Variants in LARS2 observed in about 807,000 individuals in gnomAD.
The protein encoded by LARS2 is leucyl-tRNA synthetase 2, mitochondrial.
In LARS2, 81 loss-of-function variants were observed where a neutral mutation model predicts 116.6. The observed-to-expected ratio is 0.69, with a 90% CI of 0.58 to 0.84. The LOEUF is 0.84. Ranked by LOEUF, LARS2 falls within the 40% of genes least tolerant of loss-of-function variation. The pLI is 0.00. For synonymous variants in LARS2, 396 were observed against 407.2 expected (o/e 0.97, Z 0.33); for missense variants, 968 against 1,114.5 (o/e 0.87, Z 1.87).
chr3:45,407,183 A>G (rs181488361), intron 4 of LARS2, among the ~76,000 whole-genome samples: 1 of 152,328 alleles, frequency 6.6e-6, no homozygotes, highest in Admixed American at 6.5e-5. Flanking sequence ...TAATCATAAT[A>G]TAATTATCCA....
chr3:45,422,343 A>G (rs1252410554), intron 6 of LARS2: 1 of 151,938 alleles, frequency 6.6e-6, no homozygotes, highest in African/African-American at 2.4e-5. Flanking sequence ...GTTACAAATA[A>G]TTTTCCTCAG....
chr3:45,540,370 GA>G (rs1490085378), intron 20 of LARS2, among the ~76,000 whole-genome samples: 1 of 152,218 alleles, frequency 6.6e-6, no homozygotes, highest in Non-Finnish European at 1.5e-5. Context: ...CATCAAGGAA[GA>G]TAAAACAAAA....
intron 20 of LARS2, among the ~76,000 whole-genome samples, chr3:45,535,766 A>C (rs879605947): frequency 4.9e-5 from 6 of 122,272 alleles, no homozygotes; most frequent in South Asian, 2.6e-4. Flanking sequence ...ACACACACAC[A>C]CCCCCACACC....
intron 4 of LARS2, among the ~76,000 whole-genome samples, chr3:45,409,995 T>C (rs1253947830): frequency 6.6e-6 from 1 of 152,192 alleles, no homozygotes; most frequent in African/African-American, 2.4e-5. Flanking sequence ...AATGAATAAG[T>C]GTATTATGTA....
chr3:45,510,014 C>A (rs1282858763), intron 15 of LARS2, among the ~76,000 whole-genome samples: 1 of 152,072 alleles, frequency 6.6e-6, no homozygotes, highest in Non-Finnish European at 1.5e-5. Context: ...TCCCCCACCC[C>A]TGCTGCTGGT....
At chr3:45,425,725 T>C (rs1698582959) in intron 6 of LARS2, among the ~76,000 whole-genome samples, 1 of 152,218 alleles carries the variant, frequency 6.6e-6, no homozygotes, top group Admixed American at 6.5e-5. Context: ...CTGTTATTGC[T>C]GAATAGACAA....
At chr3:45,541,558 C>T (rs1700796086) in intron 20 of LARS2, 14 of 432,432 alleles carry the variant, frequency 3.2e-5, no homozygotes, top group South Asian at 2.4e-4. Flanking sequence ...TTCAAATCAG[C>T]AGCCTTGTTT....
rs1698122108 is a variant in LARS2, at chr3:45,400,305, A to G, written c.295A>G (p.Met99Val). The G allele has an allele frequency of 1.9e-6, 3 of 1,614,054 alleles. No individual in the cohort carries two copies. The highest frequency in any genetic ancestry group is 2.2e-5 in the East Asian group (1 of 44,890). ...CCCTTATCCTTCTGGTAAGCTGCAC[A>G]TGGGCCATGTGCGTGTCTACACCAT... ...MFPYPSGKLHMGHVRVYTISD... is the reference protein window; with the variant it reads ...MFPYPSGKLHVGHVRVYTISD... The change falls in exon 4 of 22, where the codon ATG (methionine) becomes GTG (valine). Residue 99 changes from methionine (M) to valine (V), a missense_variant. Met to Val is a conservative substitution (Grantham distance 21, BLOSUM62 1). Coordinates refer to ENST00000645846, the MANE Select transcript of LARS2 (RefSeq NM_015340.4).
Position 45,501,489 on chromosome 3 carries a change from A to G in LARS2, c.1760+910A>G, listed in dbSNP as rs1215599939. 2.6e-5 allele frequency among the ~76,000 whole-genome samples: 4 copies of G among 152,134 alleles called. No individual in the cohort carries two copies. The East Asian group carries it at 5.8e-4, about 22-fold the overall frequency. On this transcript the variant is annotated intron_variant, in intron 15 of 21. Coordinates refer to ENST00000645846, the MANE Select transcript of LARS2 (RefSeq NM_015340.4). ...TTTTGAGATTCAGCAGTGCTGACGG[A>G]TGAAGTTATATTTCATTCCTGTTTC...
At chr3:45,404,720 C>T (rs1179217279) in intron 4 of LARS2, among the ~76,000 whole-genome samples, 5 of 152,118 alleles carry the variant, frequency 3.3e-5, no homozygotes, top group Non-Finnish European at 5.9e-5. Context: ...CTCAGCCTCC[C>T]GAGTAGCTGG....
intron 8 of LARS2, among the ~76,000 whole-genome samples, chr3:45,464,268 C>T (rs907017227): frequency 1.3e-5 from 2 of 151,998 alleles, no homozygotes; most frequent in Non-Finnish European, 2.9e-5. Context: ...GAGGAGGTGG[C>T]GGAGGATGTT....
At chr3:45,406,242 TTC>T (rs1698229572) in intron 4 of LARS2, among the ~76,000 whole-genome samples, 1 of 152,140 alleles carries the variant, frequency 6.6e-6, no homozygotes, top group African/African-American at 2.4e-5. Context: ...CTGTAAAAAT[TTC>T]TCTGTGTGTC....
chr3:45,397,426 T>A (rs903644566), intron 3 of LARS2, among the ~76,000 whole-genome samples: 3 of 152,236 alleles, frequency 2.0e-5, no homozygotes, highest in African/African-American at 7.2e-5. Context: ...CTTTTCTATG[T>A]ATCTTTTATG....
chr3:45,464,401 A>G (rs1052973502), intron 8 of LARS2, among the ~76,000 whole-genome samples: 1 of 152,190 alleles, frequency 6.6e-6, no homozygotes, highest in Non-Finnish European at 1.5e-5. Context: ...TGGGATACTT[A>G]TGAAAGCATT....
intron 19 of LARS2, among the ~76,000 whole-genome samples, chr3:45,521,541 A>G (rs1700455824): frequency 1.3e-5 from 2 of 152,236 alleles, no homozygotes; most frequent in East Asian, 1.9e-4. Context: ...CATTTTCAGT[A>G]TGTTAAAAAA....
At chr3:45,520,577 C>G (rs1700436950) in intron 19 of LARS2, among the ~76,000 whole-genome samples, 3 of 152,144 alleles carry the variant, frequency 2.0e-5, no homozygotes, top group African/African-American at 7.2e-5. Flanking sequence ...TGATTAGTGA[C>G]AAATCTAGGA....
intron 18 of LARS2, 68 bp from the exon 19 acceptor site, chr3:45,520,146 TGATAA>T: frequency 2.9e-6 from 3 of 1,048,582 alleles, no homozygotes; most frequent in Non-Finnish European, 3.0e-6. Context: ...TTTTTTGTTT[TGATAA>T]TTCAGTCTTT....
At chr3:45,391,458 A>G (rs960708347) in intron 1 of LARS2, 125 bp from the exon 2 acceptor site, 15 of 149,872 alleles carry the variant, frequency 1.0e-4, no homozygotes, top group African/African-American at 3.7e-4. Flanking sequence ...GCACGATCTC[A>G]TTGCGACAGT....
At chr3:45,427,844 G>A (rs1196459448) in intron 6 of LARS2, among the ~76,000 whole-genome samples, 4 of 146,224 alleles carry the variant, frequency 2.7e-5, no homozygotes, top group African/African-American at 1.0e-4. Flanking sequence ...TTTTTGAGGC[G>A]GAGTTTTGCT....
Sources: gnomAD v4.1 joint callset for allele counts (sites outside exome capture counted in the v4.1 genomes callset) on GRCh38, gnomAD v4.1.1 for gene constraint, MANE v1.5 for transcripts, NCBI Gene and HGNC (gene_info 2026-07-23, HGNC 2026-07-21) for gene names.